The following FAM114A2 variants were observed in gnomAD, a reference collection of about 807,000 sequenced individuals.
FAM114A2 encodes protein FAM114A2.
In FAM114A2, 53 loss-of-function variants were observed where a neutral mutation model predicts 58.4. The observed-to-expected ratio is 0.91, with a 90% CI of 0.73 to 1.14. The LOEUF (loss-of-function observed/expected upper bound fraction) is 1.14, where lower values mean the gene tolerates loss of function less well. FAM114A2 is among the 50% of genes most tolerant of loss of function. The probability of loss-of-function intolerance (pLI) is 0.00; values close to 1 mark genes in which losing one functional copy is unlikely to be tolerated. For synonymous variants in FAM114A2, 228 were observed against 211.4 expected, an observed-to-expected ratio of 1.08 and a Z score of -0.68; for missense variants, 601 against 581.1, an observed-to-expected ratio of 1.03 and a Z score of -0.35.
intron 9 of FAM114A2, among the ~76,000 whole-genome samples, chr5:154,010,496 A>T (rs562754774): frequency 6.6e-6 from 1 of 152,250 alleles, no homozygotes; most frequent in East Asian, 1.9e-4. Flanking sequence ...AGACAAGGTG[A>T]CTGGGTTGAC....
intron 8 of FAM114A2, among the ~76,000 whole-genome samples, chr5:154,022,130 T>C (rs1038851572): frequency 2.0e-5 from 3 of 152,136 alleles, no homozygotes; most frequent in Admixed American, 6.5e-5. Context: ...TTACACCTTA[T>C]ACAAAAATCA....
chr5:154,034,216 C>T, intron 3 of FAM114A2, 62 bp downstream of exon 3: 1 of 991,446 alleles, frequency 1.0e-6, no homozygotes, highest in Non-Finnish European at 1.5e-6. Flanking sequence ...AAGTCATATG[C>T]AATGCAGATC....
rs1053703309 is a variant in FAM114A2, at chr5:153,991,237, C to A, written c.*1739G>T. 4 of 152,048 alleles carry A rather than the reference C, an allele frequency of 2.6e-5. No homozygotes were observed. The highest frequency in any genetic ancestry group is 9.7e-5 in the African/African-American group (4 of 41,394). The allele number at this position is 152,048 out of a possible 1,614,324, so 9.4% of individuals were successfully genotyped here. ...TGTTACTCTCTCCTTCATATGTATA[C>A]CCCATTTCTTGAAAGAAAAACCTTA... On this transcript the variant is annotated 3_prime_UTR_variant, in exon 14 of 14. Transcript: ENST00000351797.
intron 7 of FAM114A2, 43 bp downstream of exon 7, chr5:154,027,133 T>C (rs776718547): frequency 4.6e-6 from 7 of 1,523,030 alleles, no homozygotes; most frequent in Admixed American, 3.9e-5. Flanking sequence ...AGCATTCTTT[T>C]ACTTGAAGAC....
chr5:154,014,647 C>T (rs989160335), intron 8 of FAM114A2, among the ~76,000 whole-genome samples: 4 of 152,114 alleles, frequency 2.6e-5, no homozygotes, highest in Non-Finnish European at 1.5e-5. Flanking sequence ...TAGGAAAACC[C>T]CTGTGGGCTC....
chr5:154,016,296 C>T (rs183994493), intron 8 of FAM114A2, among the ~76,000 whole-genome samples: 41 of 152,262 alleles, frequency 2.7e-4, no homozygotes, highest in East Asian at 3.9e-4. Context: ...AAAAGACCAT[C>T]GCCTAGGCAC....
intron 5 of FAM114A2, among the ~76,000 whole-genome samples, chr5:154,028,761 T>C (rs1303512198): frequency 6.6e-6 from 1 of 152,210 alleles, no homozygotes; most frequent in Non-Finnish European, 1.5e-5. Context: ...AGTTAGATAC[T>C]ATATATGATT....
chr5:154,009,977 C>G (rs572573990), intron 9 of FAM114A2, among the ~76,000 whole-genome samples: 3 of 152,106 alleles, frequency 2.0e-5, no homozygotes, highest in Non-Finnish European at 4.4e-5. Flanking sequence ...AAATAGATTA[C>G]AACAAATTAG....
In FAM114A2 at chr5:153,992,735, G is replaced by A. The variant is rs1207393942; in HGVS notation, c.*241C>T. On this transcript the variant is annotated 3_prime_UTR_variant, in exon 14 of 14. Coordinates refer to ENST00000351797, the MANE Select transcript of FAM114A2 (RefSeq NM_018691.4). ...ATCTTTATCTAGAGTTATTATTCTTGGACTTTCTACAAAAGTTTCTTTTCA... is the reference window on the plus strand; with the variant it reads ...ATCTTTATCTAGAGTTATTATTCTTAGACTTTCTACAAAAGTTTCTTTTCA... 3 of 322,594 alleles carry A rather than the reference G, an allele frequency of 9.3e-6. No homozygotes were observed. The highest frequency in any genetic ancestry group is 8.3e-4 in the Middle Eastern group (1 of 1,206). 20.0% of individuals were successfully genotyped at this position (322,594 alleles called of 1,614,324 possible).
Position 154,029,592 on chromosome 5 carries a change from A to C in FAM114A2, c.404-12T>G, listed in dbSNP as rs78882620. 6.2e-3 allele frequency: 9,286 copies of C among 1,487,184 alleles called. 327 individuals carry two copies. The East Asian group carries it at 0.12, about 18-fold the overall frequency. The allele number at this position is 1,487,184 out of a possible 1,614,324, so 92.1% of individuals were successfully genotyped here. A position where few individuals can be genotyped will look rare whatever the true frequency, so the allele number is the denominator to read the frequency against. ...GGCATTTGTCTCTCCTACAAGAGGG[A>C]GGGGATGTGTAAACATGAAGGGAAG... On this transcript the variant is annotated splice_polypyrimidine_tract_variant and intron_variant, in intron 4 of 13. Transcript: ENST00000351797.
rs780215755 is a variant in FAM114A2 at position 154,029,512 on chromosome 5, T to C, written c.472A>G (p.Ile158Val). Residue 158 changes from isoleucine (I) to valine (V), a missense_variant, in exon 5 of 14, where the codon ATC (isoleucine) becomes GTC (valine). By Grantham distance (29) the Ile-to-Val change is conservative. Transcript: ENST00000351797. ...ACTGTGCTCTGAACAGCAGTAGAGA[T>C]GGTAGAGAATACACCAAATGCCCCA... Reference protein sequence around the residue: ...VAGAFGVFSTISTAVQSTGKS... With the variant: ...VAGAFGVFSTVSTAVQSTGKS... 6.2e-7 allele frequency: 1 copy of C among 1,607,958 alleles called. No homozygotes were observed. Among genetic ancestry groups the C allele is most frequent in the East Asian group, 2.2e-5 (1 of 44,786 alleles).
At chr5:153,993,901 T>C (rs1769400205) in intron 13 of FAM114A2, among the ~76,000 whole-genome samples, 1 of 152,152 alleles carries the variant, frequency 6.6e-6, no homozygotes, top group Non-Finnish European at 1.5e-5. Context: ...ATACTCAATT[T>C]CCCACACAAA....
At position 154,027,281 on chromosome 5, in the gene FAM114A2, G is replaced by A. The variant is rs376042897; in HGVS notation, c.684C>T (p.Thr228=). The A allele has an allele frequency of 2.2e-5, 35 of 1,613,340 alleles. No individual in the cohort carries two copies. The highest frequency in any genetic ancestry group is 1.7e-4 in the Middle Eastern group (1 of 6,058). The change falls in exon 7 of 14, where the codon ACC becomes ACT. Residue 228 remains threonine (T), a synonymous_variant. Transcript: ENST00000351797. The stretch of plus-strand genomic sequence containing the variant: ...AATGAGTTTTCTTGTCTGTTTCCAC[G>A]GTAACCTCATTGGAGGTCCGTATCT... The part of the protein sequence containing the change: ...KEEIRTSNEV[T]VETDKKTHYG...
In FAM114A2 at chr5:154,026,661, A is replaced by G. The variant is rs1771795876; in HGVS notation, c.790-139T>C. On this transcript the variant is annotated intron_variant, in intron 7 of 13. Transcript: ENST00000351797. ...AGCCAGCACAAGTTATTCCTTAAGA[A>G]CCTTAACACAAGAGGCTGGTTATGA... 4 of 475,994 alleles carry G rather than the reference A, an allele frequency of 8.4e-6. No individual in the cohort carries two copies. In the South Asian group the frequency reaches 1.9e-4, roughly 23 times the overall value. 29.5% of individuals were successfully genotyped at this position (475,994 alleles called of 1,614,324 possible).
chr5:154,032,381 T>A (rs1394311465), intron 4 of FAM114A2, among the ~76,000 whole-genome samples: 1 of 152,208 alleles, frequency 6.6e-6, no homozygotes, highest in African/African-American at 2.4e-5. Flanking sequence ...CACCCAGTTT[T>A]TCAAAGCCCT....
At chr5:154,018,892 A>G (rs927733296) in intron 8 of FAM114A2, among the ~76,000 whole-genome samples, 1 of 152,196 alleles carries the variant, frequency 6.6e-6, no homozygotes, top group African/African-American at 2.4e-5. Flanking sequence ...AAATCAGCAT[A>G]CAAGGGACAT....
intron 9 of FAM114A2, among the ~76,000 whole-genome samples, chr5:154,004,848 C>A (rs1770248752): frequency 6.6e-6 from 1 of 152,144 alleles, no homozygotes; most frequent in East Asian, 1.9e-4. Flanking sequence ...CTGTCTTAAG[C>A]CCAGGGCTGA....
At chr5:154,038,353 C>T (rs1772737781) in intron 1 of FAM114A2, 1 of 152,230 alleles carries the variant, frequency 6.6e-6, no homozygotes, top group African/African-American at 2.4e-5. Flanking sequence ...TTACTTTCTT[C>T]CTGTCCTGCA....
At chr5:154,037,844 T>C (rs983911625) in intron 1 of FAM114A2, among the ~76,000 whole-genome samples, 57 of 152,272 alleles carry the variant, frequency 3.7e-4, no homozygotes, top group African/African-American at 1.2e-3. Flanking sequence ...TGAGCCACCA[T>C]GCCCTGCCAA....
Sources: gnomAD v4.1 joint callset for allele counts (sites outside exome capture counted in the v4.1 genomes callset) on GRCh38, gnomAD v4.1.1 for gene constraint, MANE v1.5 for transcripts, NCBI Gene and HGNC (gene_info 2026-07-23, HGNC 2026-07-21) for gene names.